The following RASGRF1 variants were observed in gnomAD, a reference collection of about 807,000 sequenced individuals.
RASGRF1 encodes the protein Ras protein specific guanine nucleotide releasing factor 1.
RASGRF1 carries 40 observed loss-of-function variants against 138.7 expected under a neutral mutation model. That is an observed-to-expected ratio of 0.29 (90% CI 0.22 to 0.38). RASGRF1 has a LOEUF of 0.38. Ranked by LOEUF, RASGRF1 falls within the 10% of genes least tolerant of loss-of-function variation. The probability of loss-of-function intolerance (pLI) is 1.00; values close to 1 mark genes in which losing one functional copy is unlikely to be tolerated. For synonymous variants in RASGRF1, 614 were observed against 663.2 expected (o/e 0.93, Z 1.14); for missense variants, 1,108 against 1,650.4 (o/e 0.67, Z 5.69).
In RASGRF1 at chr15:78,991,734, G is replaced by T; in HGVS notation, c.3088C>A (p.Leu1030Met). ...NHSALEIAEQ[L>M]TLLDHLVFKK... Reference sequence around the variant, plus strand: ...AAGACGAGGTGATCTAGCAGGGTCAGCTGCTCCGCGATCTCCAGGGCTGAG... The same window carrying T: ...AAGACGAGGTGATCTAGCAGGGTCATCTGCTCCGCGATCTCCAGGGCTGAG... The change falls in exon 21 of 27, where the codon CTG (leucine) becomes ATG (methionine). Residue 1030 changes from leucine to methionine, a missense_variant. This residue lies in a region of RASGRF1 where 686 missense variants were observed against 976.7 expected (regional missense o/e 0.70). Transcript: ENST00000558480. 6.2e-7 allele frequency: 1 copy of T among 1,614,192 alleles called. No homozygotes were observed. Among genetic ancestry groups the T allele is most frequent in the Non-Finnish European group, 8.5e-7 (1 of 1,180,004 alleles).
intron 26 of RASGRF1, among the ~76,000 whole-genome samples, chr15:78,967,943 G>A (rs960878513): frequency 2.0e-5 from 3 of 152,096 alleles, no homozygotes; most frequent in African/African-American, 4.8e-5. Context: ...ATTAGCTGAT[G>A]TACAGACCAG....
chr15:78,983,232 C>T (rs898368097), intron 23 of RASGRF1, among the ~76,000 whole-genome samples: 10 of 152,234 alleles, frequency 6.6e-5, no homozygotes, highest in African/African-American at 1.2e-4. Context: ...AACTCTTACA[C>T]GGCTGGGGGC....
rs974049654 is a variant in RASGRF1, at chr15:79,032,847, C to T, written c.959-531G>A. On this transcript the variant is annotated intron_variant, in intron 6 of 26. Coordinates refer to ENST00000558480, the MANE Select transcript of RASGRF1 (RefSeq NM_001145648.3). The surrounding 1 kb of genome is among the most constrained non-coding windows in gnomAD (Gnocchi z 4.5). ...CCCAGTTCCTCCCTCTGCCTGTCCCCGTGCCCTATGGTGCTATGGCCTAGG... is the reference window on the plus strand; with the variant it reads ...CCCAGTTCCTCCCTCTGCCTGTCCCTGTGCCCTATGGTGCTATGGCCTAGG... Among the ~76,000 whole-genome samples the T allele has an allele frequency of 1.4e-4, 22 of 152,198 alleles. 1 individual carries two copies. Among genetic ancestry groups the T allele is most frequent in the African/African-American group, 4.3e-4 (18 of 41,430 alleles).
chr15:79,046,897 G>C lies in RASGRF1; in HGVS notation c.727C>G (p.Gln243Glu). 6.2e-7 allele frequency: 1 copy of C among 1,614,174 alleles called. No homozygotes were observed. Among genetic ancestry groups the C allele is most frequent in the Non-Finnish European group, 8.5e-7 (1 of 1,180,032 alleles). The change falls in exon 5 of 27, where the codon CAG (glutamine) becomes GAG (glutamate). Residue 243 changes from glutamine (Q) to glutamate (E), a missense_variant. Transcript: ENST00000558480. The surrounding 1 kb of genome is among the most constrained non-coding windows in gnomAD (Gnocchi z 5.3). ...PHADSMRKRN[Q>E]VVFSMLEAEA... ...GCCTCCAGCATGCTGAACACCACCT[G>C]GTTCCTCTTGCGCATGCTGTCAGCA...
At chr15:79,089,658 A>C (rs1566976386) in intron 1 of RASGRF1, among the ~76,000 whole-genome samples, 1 of 152,182 alleles carries the variant, frequency 6.6e-6, no homozygotes, top group East Asian at 1.9e-4. Flanking sequence ...GATGGTACCG[A>C]ACCGACCCGT....
intron 3 of RASGRF1, among the ~76,000 whole-genome samples, chr15:79,051,468 C>T (rs946025930): frequency 2.0e-5 from 3 of 151,588 alleles, no homozygotes; most frequent in African/African-American, 7.3e-5. Context: ...CAAGCGTACA[C>T]ACACACACAC....
Position 79,020,017 on chromosome 15 carries a change from C to T in RASGRF1, c.1606+24G>A, listed in dbSNP as rs192394782. 1,300 of 1,612,898 alleles carry T rather than the reference C, an allele frequency of 8.1e-4. 16 individuals carry two copies. The highest frequency in any genetic ancestry group is 6.6e-3 in the South Asian group (600 of 91,050). ...GTGTATCTGTGCAAGCACACACATG[C>T]GCACATGCAGCTTTCACACTCACCT... On this transcript the variant is annotated intron_variant, in intron 11 of 26. Coordinates refer to ENST00000558480, the MANE Select transcript of RASGRF1 (RefSeq NM_001145648.3).
chr15:78,967,340 G>A (rs2055663442), intron 26 of RASGRF1, among the ~76,000 whole-genome samples: 2 of 152,178 alleles, frequency 1.3e-5, no homozygotes, highest in Admixed American at 1.3e-4. Context: ...GAGGCCAGGA[G>A]TTCGAGACCA....
At chr15:79,005,160 G>C (rs1189183803) in intron 14 of RASGRF1, 13 of 985,408 alleles carry the variant, frequency 1.3e-5, no homozygotes, top group Admixed American at 6.1e-5. Context: ...TCAGGGCAGA[G>C]AGGCAAGATG....
intron 10 of RASGRF1, among the ~76,000 whole-genome samples, chr15:79,023,319 C>T (rs562601738): frequency 6.6e-6 from 1 of 152,346 alleles, no homozygotes; most frequent in African/African-American, 2.4e-5. Context: ...CCACTGTGAG[C>T]TCACTGCTAA....
intron 24 of RASGRF1, chr15:78,978,686 T>TAGTG: frequency 1.9e-6 from 2 of 1,027,122 alleles, no homozygotes; most frequent in Non-Finnish European, 2.3e-6. Context: ...GTCCCCTGCC[T>TAGTG]AGTGAAACAG....
intron 1 of RASGRF1, among the ~76,000 whole-genome samples, chr15:79,082,265 C>T (rs566323114): frequency 1.6e-4 from 24 of 152,296 alleles, no homozygotes; most frequent in African/African-American, 5.8e-4. Flanking sequence ...ACTTCTGCAC[C>T]TCTTCTGAAA....
chr15:79,064,562 T>A (rs1212761706), intron 1 of RASGRF1, 36 bp from the exon 2 acceptor site: 1 of 1,591,878 alleles, frequency 6.3e-7, no homozygotes, highest in South Asian at 1.1e-5. Context: ...ATTACCAGAG[T>A]GTCCATGGGA....
intron 22 of RASGRF1, among the ~76,000 whole-genome samples, chr15:78,987,348 G>C (rs923392337): frequency 2.6e-5 from 4 of 151,900 alleles, no homozygotes; most frequent in Non-Finnish European, 4.4e-5. Flanking sequence ...AAAAAAACCT[G>C]GTAAAGGAGC....
chr15:79,033,214 G>T (rs2057166945), intron 6 of RASGRF1, among the ~76,000 whole-genome samples: 1 of 152,166 alleles, frequency 6.6e-6, no homozygotes. Flanking sequence ...GATAGGCTGG[G>T]ATGGGGTCAT....
At chr15:79,064,781 C>T (rs1489272104) in intron 1 of RASGRF1, 2 of 450,522 alleles carry the variant, frequency 4.4e-6, no homozygotes, top group East Asian at 4.1e-5. Context: ...CCCTGTTCAA[C>T]AACAAATTGC....
rs2056608976 is a variant in RASGRF1, at chr15:79,003,956, G to A, written c.2295C>T (p.Gly765=). The A allele has an allele frequency of 1.2e-6, 2 of 1,614,160 alleles. No individual in the cohort carries two copies. The highest frequency in any genetic ancestry group is 1.7e-6 in the Non-Finnish European group (2 of 1,179,978). ...DLAALSCNSN[G]YTSMYSAMSP... ...ACATGGCCGAGTACATGCTGGTGTA[G>A]CCATTGGAGTTGCAGCTGAGGGCGG... Residue 765 remains glycine (G), a synonymous_variant, in exon 15 of 27, where the codon GGC becomes GGT. Coordinates refer to ENST00000558480, the MANE Select transcript of RASGRF1 (RefSeq NM_001145648.3).
At position 79,090,256 on chromosome 15, in the gene RASGRF1, C is replaced by T. The variant is rs754150944; in HGVS notation, c.243G>A (p.Pro81=). The T allele has an allele frequency of 5.6e-6, 9 of 1,610,148 alleles. No homozygotes were observed. The South Asian group carries it at 9.9e-5, about 18-fold the overall frequency. The change falls in exon 1 of 27, where the codon CCG becomes CCA. Residue 81 remains proline, a synonymous_variant. Coordinates refer to ENST00000558480, the MANE Select transcript of RASGRF1 (RefSeq NM_001145648.3). ...CCAGCGGCTCCTTGGCCGACAGCGC[C>T]GGCTTGGGGGAGGGCGCGCGGTCGC... is the stretch of plus-strand genomic sequence containing the variant. ...CVCDRAPSPK[P]ALSAKEPLEK... is the part of the protein sequence containing the mutation.
At chr15:78,993,259 G>GT (rs1567468511) in intron 20 of RASGRF1, among the ~76,000 whole-genome samples, 1 of 80,478 alleles carries the variant, frequency 1.2e-5, no homozygotes, top group African/African-American at 4.9e-5. Context: ...TGGTGTGTGT[G>GT]GTGTGGTGTG....
Sources: allele counts gnomAD v4.1 joint callset (sites outside exome capture counted in the v4.1 genomes callset), GRCh38; gene constraint gnomAD v4.1.1; regional missense constraint gnomAD v4.1.1; non-coding constraint Gnocchi (gnomAD v3.1); transcripts MANE v1.5; gene names NCBI Gene and HGNC (gene_info 2026-07-23, HGNC 2026-07-21).